Variants in CPSF7 observed in about 807,000 individuals in gnomAD.
The protein encoded by CPSF7 is cleavage and polyadenylation specificity factor subunit 7.
In CPSF7, 1 loss-of-function variant was observed where a neutral mutation model predicts 44.3. That is an observed-to-expected ratio of 0.02 (90% confidence interval 0.01 to 0.11). CPSF7 has a LOEUF of 0.11. Ranked by LOEUF, CPSF7 falls within the 10% of genes least tolerant of loss-of-function variation. The pLI is 1.00. For missense variants in CPSF7, 443 were observed against 607.2 expected (o/e 0.73, Z 2.84); for synonymous variants, 202 against 222.0 (o/e 0.91, Z 0.80).
At chr11:61,429,134 T>C in intron 2 of CPSF7, 48 bp downstream of exon 2, 2 of 1,102,242 alleles carry the variant, frequency 1.8e-6, no homozygotes, top group Non-Finnish European at 2.8e-6. Context: ...CTGAAAATGA[T>C]TCCTCAGATG....
Position 61,420,112 on chromosome 11 carries a change from A to T in CPSF7, c.378-18T>A. On this transcript the variant is annotated intron_variant, in intron 4 of 9. Coordinates refer to ENST00000439958, the MANE Select transcript of CPSF7 (RefSeq NM_001142565.3). The stretch of plus-strand genomic sequence containing the variant: ...CAGCATACCTTAGGAAAGAAAAATT[A>T]AAAATGAATGAAATCTGTAGACAGC... 3 of 1,578,108 alleles carry T rather than the reference A, an allele frequency of 1.9e-6. No individual in the cohort carries two copies. Among genetic ancestry groups the T allele is most frequent in the Non-Finnish European group, 2.6e-6 (3 of 1,159,886 alleles).
chr11:61,417,029 G>C (rs1039504890), intron 5 of CPSF7, among the ~76,000 whole-genome samples: 2 of 152,070 alleles, frequency 1.3e-5, no homozygotes, highest in Non-Finnish European at 2.9e-5. Flanking sequence ...GGAGTGGCAG[G>C]AACTGGATGG....
Position 61,429,897 on chromosome 11 carries a change from C to CCG in CPSF7, c.-56+15_-56+16dup, listed in dbSNP as rs1861802708. 18 of 1,510,904 alleles carry CCG rather than the reference C, an allele frequency of 1.2e-5. No individual in the cohort carries two copies. The highest frequency in any genetic ancestry group is 1.6e-5 in the Non-Finnish European group (18 of 1,127,030). 93.6% of individuals were successfully genotyped at this position (1,510,904 alleles called of 1,614,324 possible). ...CTCTTCCGGCCCAACCTGCCCCCGACCGCGCGCCCCCGTTACCGGGAATAT... is the reference window on the plus strand; with the variant it reads ...CTCTTCCGGCCCAACCTGCCCCCGACCGCGCGCGCCCCCGTTACCGGGAATAT... On this transcript the variant is annotated intron_variant, in intron 1 of 9. Transcript: ENST00000439958.
chr11:61,427,909 T>C (rs953761840), intron 2 of CPSF7, among the ~76,000 whole-genome samples: 1 of 152,172 alleles, frequency 6.6e-6, no homozygotes, highest in African/African-American at 2.4e-5. Context: ...ATAAATGGCA[T>C]GTATCCGCCT....
At chr11:61,417,262 A>G (rs760573762) in intron 5 of CPSF7, among the ~76,000 whole-genome samples, 26 of 152,224 alleles carry the variant, frequency 1.7e-4, no homozygotes, top group Non-Finnish European at 3.2e-4. Context: ...CTACATTTCA[A>G]TGGCCAAAAT....
rs761574725 is a variant in CPSF7 at position 61,421,486 on chromosome 11, T to C, written c.177A>G (p.Pro59=). ...GGGTCTTGTTGTTGGGCTTGGGAGA[T>C]GGCTCCTGGCGAACAGGAGGAGGTG... ...TEPPPPVRQE[P]SPKPNNKTPA... is the part of the protein sequence containing the mutation. The change falls in exon 3 of 10, where the codon CCA becomes CCG. Residue 59 remains proline, a synonymous_variant. Transcript: ENST00000439958. 1.2e-6 allele frequency: 2 copies of C among 1,614,132 alleles called. No homozygotes were observed. The highest frequency in any genetic ancestry group is 1.7e-5 in the Admixed American group (1 of 60,018).
At chr11:61,423,313 C>T (rs1861067829) in intron 2 of CPSF7, among the ~76,000 whole-genome samples, 1 of 151,422 alleles carries the variant, frequency 6.6e-6, no homozygotes, top group Non-Finnish European at 1.5e-5. Context: ...GCTGGGATTA[C>T]AGGCACACAC....
At position 61,420,052 on chromosome 11, in the gene CPSF7, T is replaced by C. The variant is rs1461235652; in HGVS notation, c.420A>G (p.Lys140=). The change falls in exon 5 of 10, where the codon AAA becomes AAG. Residue 140 remains lysine (K), a synonymous_variant. Transcript: ENST00000439958. ...VVVASENSVH[K]LLELLPGKVL... ...CTTTCCCTGGTAGGAGTTCCAACAA[T>C]TTGTGGACAGAGTTTTCAGAGGCTA... 2.5e-6 allele frequency: 4 copies of C among 1,614,060 alleles called. No homozygotes were observed. The highest frequency in any genetic ancestry group is 3.4e-6 in the Non-Finnish European group (4 of 1,179,932).
At position 61,429,948 on chromosome 11, in the gene CPSF7, T is replaced by C; in HGVS notation, c.-90A>G. ...GGCGGCGGCGGCGGCGAGTCCGGACTAGGCCCGAAGCGCGCGAACCGCTCT... is the reference window on the plus strand; with the variant it reads ...GGCGGCGGCGGCGGCGAGTCCGGACCAGGCCCGAAGCGCGCGAACCGCTCT... On this transcript the variant is annotated 5_prime_UTR_variant, in exon 1 of 10. Transcript: ENST00000439958. 2 of 1,387,326 alleles carry C rather than the reference T, an allele frequency of 1.4e-6. No homozygotes were observed. The highest frequency in any genetic ancestry group is 1.9e-6 in the Non-Finnish European group (2 of 1,032,274). The allele number at this position is 1,387,326 out of a possible 1,614,324, so 85.9% of individuals were successfully genotyped here. A position where few individuals can be genotyped will look rare whatever the true frequency, so the allele number is the denominator to read the frequency against.
At chr11:61,412,007 C>A in intron 7 of CPSF7, 70 bp from the exon 8 acceptor site, 1 of 1,395,752 alleles carries the variant, frequency 7.2e-7, no homozygotes, top group South Asian at 1.2e-5. Context: ...AAAAGGAGAA[C>A]TCAGGCAGAC....
At chr11:61,419,840 T>C in intron 5 of CPSF7, 109 bp downstream of exon 5, 1 of 1,368,864 alleles carries the variant, frequency 7.3e-7, no homozygotes, top group Non-Finnish European at 9.9e-7. Flanking sequence ...TCCCCCAAAC[T>C]CACCCACACT....
chr11:61,421,154 G>C lies in CPSF7; in HGVS notation c.273+236C>G, dbSNP rs556295284. The C allele has an allele frequency of 2.8e-6, 4 of 1,429,406 alleles. No individual in the cohort carries two copies. In the Admixed American group the frequency reaches 8.3e-5, roughly 29 times the overall value. 88.5% of individuals were successfully genotyped at this position (1,429,406 alleles called of 1,614,324 possible). On this transcript the variant is annotated intron_variant, in intron 3 of 9. Transcript: ENST00000439958. The stretch of plus-strand genomic sequence containing the variant: ...TGCTAGACATAAAGCCCCAGGGTCA[G>C]GGGCAGTAACAAGATGGCAGAAAAA...
At chr11:61,423,030 G>C (rs2135382384) in intron 2 of CPSF7, among the ~76,000 whole-genome samples, 1 of 146,882 alleles carries the variant, frequency 6.8e-6, no homozygotes, top group South Asian at 2.1e-4. Context: ...CTACTCGAGA[G>C]GCAGAAGGAT....
At chr11:61,429,763 C>G (rs1205783670) in intron 1 of CPSF7, 151 bp downstream of exon 1, 3 of 1,546,698 alleles carry the variant, frequency 1.9e-6, no homozygotes, top group African/African-American at 1.4e-5. Context: ...AAACCCGGCC[C>G]GGCGCGCTCT....
intron 7 of CPSF7, 117 bp from the exon 8 acceptor site, chr11:61,412,054 G>T (rs1016480143): frequency 9.9e-6 from 8 of 806,494 alleles, no homozygotes; most frequent in Admixed American, 9.3e-5. Flanking sequence ...AAACAACCGC[G>T]GTAAAAGAGA....
At chr11:61,413,406 C>A (rs532745359) in intron 7 of CPSF7, among the ~76,000 whole-genome samples, 1 of 151,848 alleles carries the variant, frequency 6.6e-6, no homozygotes, top group Non-Finnish European at 1.5e-5. Context: ...CCGAGGTGGG[C>A]GGATCACTTG....
chr11:61,424,202 G>A (rs149411855), intron 2 of CPSF7, among the ~76,000 whole-genome samples: 1 of 152,158 alleles, frequency 6.6e-6, no homozygotes, highest in African/African-American at 2.4e-5. Flanking sequence ...GAGAGGACAG[G>A]GTGGATAATA....
rs1224768452 is a variant in CPSF7 at position 61,415,685 on chromosome 11, T to C, written c.1038A>G (p.Ala346=). 3 of 1,612,392 alleles carry C rather than the reference T, an allele frequency of 1.9e-6. No individual in the cohort carries two copies. Among genetic ancestry groups the C allele is most frequent in the Non-Finnish European group, 2.5e-6 (3 of 1,178,356 alleles). ...AGTTACCTGCACTGGCTCCAGATACTGCTTTGGAAATGGCACTGCTGGAAA... is the reference window on the plus strand; with the variant it reads ...AGTTACCTGCACTGGCTCCAGATACCGCTTTGGAAATGGCACTGCTGGAAA... ...RAISSSAISK[A]VSGASAGDYS... The change falls in exon 7 of 10, where the codon GCA becomes GCG. Residue 346 remains alanine, a synonymous_variant. Transcript: ENST00000439958.
At chr11:61,412,787 T>C (rs554151020) in intron 7 of CPSF7, among the ~76,000 whole-genome samples, 1 of 152,372 alleles carries the variant, frequency 6.6e-6, no homozygotes, top group East Asian at 1.9e-4. Context: ...ATGTTATATG[T>C]TGATATAATA....
Sources: gnomAD v4.1 joint callset for allele counts (sites outside exome capture counted in the v4.1 genomes callset) on GRCh38, gnomAD v4.1.1 for gene constraint, MANE v1.5 for transcripts, NCBI Gene and HGNC (gene_info 2026-07-23, HGNC 2026-07-21) for gene names.